PCDH11X: variants seen among roughly 807,000 people sequenced by gnomAD.
The protein encoded by PCDH11X is protocadherin-11 X-linked.
Under a neutral mutation model 53.3 loss-of-function variants are expected in PCDH11X, and 18 were observed. That is an observed-to-expected ratio of 0.34 (90% CI 0.23 to 0.50). The LOEUF (loss-of-function observed/expected upper bound fraction) is 0.50. Ranked by LOEUF, PCDH11X falls within the 20% of genes least tolerant of loss-of-function variation. The pLI, the probability that PCDH11X is intolerant of heterozygous loss-of-function variation, is 0.98. For synonymous variants in PCDH11X, 279 were observed against 393.3 expected, an observed-to-expected ratio of 0.71 and a Z score of 3.44; for missense variants, 570 against 1,032.4, an observed-to-expected ratio of 0.55 and a Z score of 6.14.
At chrX:91,804,795 T>G in intron 1 of PCDH11X, among the ~76,000 whole-genome samples, 1 of 111,066 alleles carries the variant, frequency 9.0e-6, no homozygotes, top group African/African-American at 3.2e-5. Flanking sequence ...AAATAAATAT[T>G]ATTTCATCCT....
At chrX:92,562,814 A>G (rs2075151621) in intron 10 of PCDH11X, among the ~76,000 whole-genome samples, 1 of 109,960 alleles carries the variant, frequency 9.1e-6, no homozygotes, top group African/African-American at 3.3e-5. Flanking sequence ...CCATTTCCCA[A>G]TAAGTTTCTC....
intron 9 of PCDH11X, among the ~76,000 whole-genome samples, chrX:92,422,819 A>G (rs1307634434): frequency 2.8e-5 from 3 of 108,556 alleles, no homozygotes; most frequent in African/African-American, 1.0e-4. Flanking sequence ...GCCAACGTCT[A>G]TTTTTTTTAT....
At chrX:92,182,418 C>T (rs758007720) in intron 6 of PCDH11X, among the ~76,000 whole-genome samples, 1 of 111,152 alleles carries the variant, frequency 9.0e-6, no homozygotes, top group Non-Finnish European at 1.9e-5. Flanking sequence ...TGAGTTAATG[C>T]TAAAATGAGT....
At chrX:92,138,288 G>T (rs1193018836) in intron 6 of PCDH11X, among the ~76,000 whole-genome samples, 1 of 110,355 alleles carries the variant, frequency 9.1e-6, no homozygotes, top group African/African-American at 3.3e-5. Context: ...CCTTGTCTTT[G>T]CTATTGTGAA....
At chrX:92,579,530 G>T (rs1277254935) in intron 10 of PCDH11X, among the ~76,000 whole-genome samples, 1 of 110,509 alleles carries the variant, frequency 9.0e-6, no homozygotes, top group African/African-American at 3.3e-5. Context: ...CTTCTGTTTG[G>T]TCTATCCAGC....
chrX:91,912,340 T>A (rs1483628624), intron 6 of PCDH11X, among the ~76,000 whole-genome samples: 2 of 111,676 alleles, frequency 1.8e-5, no homozygotes, highest in Non-Finnish European at 3.8e-5. Flanking sequence ...AATTGGCCAT[T>A]CTTGTCCTAT....
At chrX:92,514,657 G>A (rs1238816102) in intron 10 of PCDH11X, among the ~76,000 whole-genome samples, 1 of 109,104 alleles carries the variant, frequency 9.2e-6, no homozygotes, top group Non-Finnish European at 1.9e-5. Flanking sequence ...CTTAAACCCG[G>A]GAGGTGGAGG....
At chrX:92,506,753 T>TAGTTAGGGAGGAGTCCCTC (rs2074070503) in intron 10 of PCDH11X, among the ~76,000 whole-genome samples, 3 of 107,990 alleles carry the variant, frequency 2.8e-5, no homozygotes, top group Non-Finnish European at 3.9e-5. Flanking sequence ...CTAGTATCAT[T>TAGTTAGGGAGGAGTCCCTC]CTATAATTTT....
At chrX:92,560,356 G>A (rs1042620126) in intron 10 of PCDH11X, among the ~76,000 whole-genome samples, 8 of 112,276 alleles carry the variant, frequency 7.1e-5, no homozygotes, top group Non-Finnish European at 1.3e-4. Flanking sequence ...CTGGCTTCGG[G>A]TGTGACCCAG....
intron 6 of PCDH11X, among the ~76,000 whole-genome samples, chrX:92,156,249 C>A (rs1367178536): frequency 9.1e-6 from 1 of 110,050 alleles, no homozygotes; most frequent in Non-Finnish European, 1.9e-5. Context: ...TCCGCCCCCC[C>A]ATTCCTTGTT....
intron 6 of PCDH11X, among the ~76,000 whole-genome samples, chrX:92,081,081 G>A (rs2063848623): frequency 9.0e-6 from 1 of 111,061 alleles, no homozygotes; most frequent in Non-Finnish European, 1.9e-5. Flanking sequence ...GCACAAAGTG[G>A]CATACTTTGG....
At chrX:92,211,030 A>T (rs1334616577) in intron 7 of PCDH11X, among the ~76,000 whole-genome samples, 4 of 111,612 alleles carry the variant, frequency 3.6e-5, no homozygotes, top group African/African-American at 1.3e-4. Flanking sequence ...TTCCAAAGTC[A>T]CTTCTGCATT....
chrX:92,273,491 C>T (rs775311355), intron 8 of PCDH11X, among the ~76,000 whole-genome samples: 1 of 111,099 alleles, frequency 9.0e-6, no homozygotes, highest in Admixed American at 9.6e-5. Flanking sequence ...GATGTGATGG[C>T]TTGGCTTGGG....
At chrX:92,140,011 G>A (rs1441707713) in intron 6 of PCDH11X, among the ~76,000 whole-genome samples, 5 of 108,138 alleles carry the variant, frequency 4.6e-5, no homozygotes, top group Non-Finnish European at 9.6e-5. Flanking sequence ...AGGAGAAAAT[G>A]TGAAAGGAGG....
intron 5 of PCDH11X, among the ~76,000 whole-genome samples, chrX:91,851,624 C>T (rs1030158393): frequency 1.8e-5 from 2 of 111,671 alleles, no homozygotes; most frequent in Non-Finnish European, 3.8e-5. Context: ...AAGAACTTGT[C>T]TTGGAACCTA....
chrX:92,102,428 C>T (rs11093338), intron 6 of PCDH11X, among the ~76,000 whole-genome samples: 8,263 of 110,566 alleles, frequency 0.075, 470 homozygotes, highest in East Asian at 0.44. Flanking sequence ...GAATTCTGAC[C>T]GCACGAACCA....
intron 6 of PCDH11X, among the ~76,000 whole-genome samples, chrX:91,975,963 G>T (rs1043352958): frequency 9.0e-6 from 1 of 111,432 alleles, no homozygotes; most frequent in Admixed American, 9.5e-5. Flanking sequence ...GATTGTGAAG[G>T]CTATTGGGAG....
chrX:92,447,318 C>G (rs2072676077), intron 9 of PCDH11X, among the ~76,000 whole-genome samples: 1 of 111,214 alleles, frequency 9.0e-6, no homozygotes, highest in Non-Finnish European at 1.9e-5. Context: ...AAGCCCCTCC[C>G]ATCACAAGCC....
intron 8 of PCDH11X, among the ~76,000 whole-genome samples, chrX:92,375,744 CT>C (rs2070738561): frequency 9.2e-6 from 1 of 108,468 alleles, no homozygotes; most frequent in African/African-American, 3.4e-5. Flanking sequence ...CTGCCACAGC[CT>C]ACCAAGTAGC....
Sources: allele counts gnomAD v4.1 joint callset (sites outside exome capture counted in the v4.1 genomes callset), GRCh38; gene constraint gnomAD v4.1.1; transcripts MANE v1.5; gene names NCBI Gene and HGNC (gene_info 2026-07-23, HGNC 2026-07-21).